Variants in MAP3K1 observed in about 807,000 individuals in gnomAD.
The protein encoded by MAP3K1 is mitogen-activated protein kinase kinase kinase 1.
Under a neutral mutation model 144.2 loss-of-function variants are expected in MAP3K1, and 36 were observed. The ratio of observed to expected loss-of-function variants is 0.25; its 90% CI spans 0.19 to 0.33. The LOEUF (loss-of-function observed/expected upper bound fraction) is 0.33. Ranked by LOEUF, MAP3K1 falls within the 10% of genes least tolerant of loss-of-function variation. The probability of loss-of-function intolerance (pLI) is 1.00; values close to 1 mark genes in which losing one functional copy is unlikely to be tolerated. For synonymous variants in MAP3K1, 718 were observed against 688.7 expected, an observed-to-expected ratio of 1.04 and a Z score of -0.67; for missense variants, 1,650 against 1,881.9, an observed-to-expected ratio of 0.88 and a Z score of 2.28.
intron 17 of MAP3K1, among the ~76,000 whole-genome samples, chr5:56,886,277 G>A (rs958620204): frequency 2.0e-5 from 3 of 152,090 alleles, no homozygotes; most frequent in Non-Finnish European, 4.4e-5. Flanking sequence ...GGTGGCGCAT[G>A]CCTGTAATCC....
Position 56,851,304 on chromosome 5 carries a change from C to G in MAP3K1, c.483-5296C>G, listed in dbSNP as rs116806943. Among the ~76,000 whole-genome samples the G allele has an allele frequency of 7.4e-3, 1,130 of 152,278 alleles. 13 individuals are homozygous for G. The highest frequency in any genetic ancestry group is 0.026 in the African/African-American group (1,069 of 41,548). Reference sequence around the variant, plus strand: ...CCTGTGTGCCAGGCATTGTGCAGAACTAGTGTTTTAGTCAGACTATTTGAG... The same window carrying G: ...CCTGTGTGCCAGGCATTGTGCAGAAGTAGTGTTTTAGTCAGACTATTTGAG... On this transcript the variant is annotated intron_variant, in intron 1 of 19. Transcript: ENST00000399503.
intron 15 of MAP3K1, 111 bp from the exon 16 acceptor site, chr5:56,884,552 TA>T: frequency 1.1e-6 from 1 of 947,666 alleles, no homozygotes; most frequent in Non-Finnish European, 1.7e-6. Flanking sequence ...ATTGCATCCA[TA>T]AGCATAAATG....
At chr5:56,875,449 A>G in intron 10 of MAP3K1, 139 bp downstream of exon 10, 1 of 850,708 alleles carries the variant, frequency 1.2e-6, no homozygotes, top group South Asian at 1.6e-5. Flanking sequence ...CCATAATTCC[A>G]GGAAATTACA....
chr5:56,826,047 A>G (rs1746303037), intron 1 of MAP3K1, among the ~76,000 whole-genome samples: 1 of 151,882 alleles, frequency 6.6e-6, no homozygotes, highest in Admixed American at 6.6e-5. Flanking sequence ...TAGATAAGGC[A>G]TTTGAAATGG....
intron 1 of MAP3K1, among the ~76,000 whole-genome samples, chr5:56,827,818 C>A (rs551239837): frequency 4.6e-5 from 7 of 151,646 alleles, no homozygotes; most frequent in African/African-American, 1.5e-4. Context: ...GAGCTGAGAT[C>A]GCGCCACTGC....
rs751033365 is a variant in MAP3K1 at position 56,882,236 on chromosome 5, C to G, written c.3036C>G (p.Cys1012Trp). 15 of 1,614,028 alleles carry G rather than the reference C, an allele frequency of 9.3e-6. No individual in the cohort carries two copies. In the African/African-American group the frequency reaches 1.7e-4, roughly 19 times the overall value. Reference sequence around the variant, plus strand: ...ATAGACTTCAGGGATTCATTCCCTGCAGAATACCTTCTGCATCTCCTCAAA... The same window carrying G: ...ATAGACTTCAGGGATTCATTCCCTGGAGAATACCTTCTGCATCTCCTCAAA... ...SKHRLQGFIP[C>W]RIPSASPQTQ... is the part of the protein sequence containing the mutation. Residue 1012 changes from cysteine to tryptophan, a missense_variant, in exon 14 of 20, where the codon TGC becomes TGG. Coordinates refer to ENST00000399503, the MANE Select transcript of MAP3K1 (RefSeq NM_005921.2).
Sources: gnomAD v4.1 joint callset for allele counts (sites outside exome capture counted in the v4.1 genomes callset) on GRCh38, gnomAD v4.1.1 for gene constraint, MANE v1.5 for transcripts, NCBI Gene and HGNC (gene_info 2026-07-23, HGNC 2026-07-21) for gene names.